Variants in CNTNAP2 observed in about 807,000 individuals in gnomAD.
CNTNAP2 encodes contactin associated protein 2, also known as contactin-associated protein-like 2.
In CNTNAP2, 98 loss-of-function variants were observed where a neutral mutation model predicts 155.2. The ratio of observed to expected loss-of-function variants is 0.63; its 90% CI spans 0.54 to 0.75. The LOEUF (loss-of-function observed/expected upper bound fraction) is 0.75, where lower values mean the gene tolerates loss of function less well. CNTNAP2 is among the 30% of genes least tolerant of loss of function. The probability of loss-of-function intolerance (pLI) is 0.00; values close to 1 mark genes in which losing one functional copy is unlikely to be tolerated. For synonymous variants in CNTNAP2, 651 were observed against 631.2 expected (o/e 1.03, Z -0.47); for missense variants, 1,727 against 1,688.1 (o/e 1.02, Z -0.40).
At chr7:147,557,512 G>A (rs1207039493) in intron 11 of CNTNAP2, among the ~76,000 whole-genome samples, 4 of 152,018 alleles carry the variant, frequency 2.6e-5, no homozygotes, top group Admixed American at 2.6e-4. Flanking sequence ...GCAGTCTACT[G>A]GCAAAACTCA....
chr7:148,108,645 C>CA (rs11453109), intron 15 of CNTNAP2, among the ~76,000 whole-genome samples: 66,321 of 151,832 alleles, frequency 0.44, 16,668 homozygotes, highest in East Asian at 0.75. Context: ...GAATCTAAAA[C>CA]AACAGACTCA....
chr7:147,355,872 A>G (rs1014050493), intron 9 of CNTNAP2, among the ~76,000 whole-genome samples: 10 of 152,160 alleles, frequency 6.6e-5, no homozygotes, highest in Non-Finnish European at 4.4e-5. Flanking sequence ...AGGAGCTGGT[A>G]CCATTCCTTC....
At position 147,143,792 on chromosome 7, in the gene CNTNAP2, A is replaced by C. The variant is rs77767404; in HGVS notation, c.1348+11283A>C. Among the ~76,000 whole-genome samples the C allele has an allele frequency of 2.0e-5, 3 of 152,316 alleles. No homozygotes were observed. The East Asian group carries it at 5.8e-4, about 29-fold the overall frequency. On this transcript the variant is annotated intron_variant, in intron 8 of 23. Transcript: ENST00000361727. ...AAGAGATTTTTTTTAAAGATATTAA[A>C]GCCTAGAGATGTACTGGGTAAACTA...
At chr7:148,290,685 GTTGT>G (rs1797173880) in intron 21 of CNTNAP2, among the ~76,000 whole-genome samples, 1 of 152,164 alleles carries the variant, frequency 6.6e-6, no homozygotes, top group Admixed American at 6.5e-5. Flanking sequence ...CATTAAGGTA[GTTGT>G]TCATTCCCTG....
intron 5 of CNTNAP2, among the ~76,000 whole-genome samples, chr7:147,119,358 G>A (rs1248482309): frequency 6.6e-6 from 1 of 151,984 alleles, no homozygotes; most frequent in South Asian, 2.1e-4. Flanking sequence ...TACTGATGGA[G>A]TTTTACTGAC....
intron 9 of CNTNAP2, among the ~76,000 whole-genome samples, chr7:147,355,126 T>A (rs144830475): frequency 0.014 from 2,131 of 152,082 alleles, 25 homozygotes; most frequent in Non-Finnish European, 0.021. Context: ...AGTGACCAGA[T>A]CATGGCCATT....
chr7:146,245,190 G>A (rs1012496260), intron 1 of CNTNAP2, among the ~76,000 whole-genome samples: 3 of 150,654 alleles, frequency 2.0e-5, no homozygotes, highest in Non-Finnish European at 3.0e-5. Flanking sequence ...ATGGGGAAAT[G>A]GGGTGAATGT....
intron 4 of CNTNAP2, among the ~76,000 whole-genome samples, chr7:147,048,237 G>A (rs922540375): frequency 2.0e-5 from 3 of 152,022 alleles, no homozygotes; most frequent in Non-Finnish European, 4.4e-5. Context: ...GCAATCACAT[G>A]TGTCATTGTA....
At chr7:146,814,642 G>A (rs1202098846) in intron 2 of CNTNAP2, among the ~76,000 whole-genome samples, 2 of 152,032 alleles carry the variant, frequency 1.3e-5, no homozygotes, top group Non-Finnish European at 2.9e-5. Flanking sequence ...TCGAATTACA[G>A]TAGAACCACC....
chr7:146,601,641 CA>C (rs1331168820), intron 1 of CNTNAP2, among the ~76,000 whole-genome samples: 4 of 151,654 alleles, frequency 2.6e-5, no homozygotes, highest in Admixed American at 1.3e-4. Flanking sequence ...AAGAAGTATG[CA>C]AAAAAATCTG....
At chr7:146,416,839 T>C (rs2129112441) in intron 1 of CNTNAP2, among the ~76,000 whole-genome samples, 1 of 152,284 alleles carries the variant, frequency 6.6e-6, no homozygotes, top group Admixed American at 6.5e-5. Flanking sequence ...CAAAGATGAA[T>C]CAATTACCCA....
At chr7:146,670,607 C>T (rs944312046) in intron 1 of CNTNAP2, among the ~76,000 whole-genome samples, 15 of 152,114 alleles carry the variant, frequency 9.9e-5, no homozygotes, top group Admixed American at 7.9e-4. Flanking sequence ...AGAAGCAATC[C>T]ACTTTAATGT....
At chr7:148,242,709 C>T (rs1168787174) in intron 20 of CNTNAP2, among the ~76,000 whole-genome samples, 1 of 152,170 alleles carries the variant, frequency 6.6e-6, no homozygotes. Flanking sequence ...CTGCTCTGTC[C>T]CTGAGCCCTG....
At chr7:147,176,680 A>T (rs868792410) in intron 8 of CNTNAP2, among the ~76,000 whole-genome samples, 5 of 114,166 alleles carry the variant, frequency 4.4e-5, no homozygotes, top group Non-Finnish European at 6.6e-5. Flanking sequence ...TATTTTATAT[A>T]ATATATAATA....
At chr7:147,081,534 A>G (rs1800128468) in intron 4 of CNTNAP2, 1 of 149,608 alleles carries the variant, frequency 6.7e-6, no homozygotes, top group Non-Finnish European at 1.5e-5. Context: ...CTCCTCCCTC[A>G]GACTCCTGAG....
At chr7:147,341,233 A>G (rs1186631307) in intron 9 of CNTNAP2, among the ~76,000 whole-genome samples, 1 of 152,042 alleles carries the variant, frequency 6.6e-6, no homozygotes, top group African/African-American at 2.4e-5. Context: ...GTGAGAGTCG[A>G]ACAATGAGAA....
chr7:146,949,325 A>G (rs748221715), intron 3 of CNTNAP2, among the ~76,000 whole-genome samples: 1 of 152,062 alleles, frequency 6.6e-6, no homozygotes, highest in Non-Finnish European at 1.5e-5. Flanking sequence ...CTCAGATCGC[A>G]CTCTTCCAGC....
chr7:146,571,933 G>A (rs1319016368), intron 1 of CNTNAP2, among the ~76,000 whole-genome samples: 6 of 152,096 alleles, frequency 3.9e-5, no homozygotes, highest in African/African-American at 9.6e-5. Flanking sequence ...GGGTTTCACC[G>A]TTTTGGCCAT....
At chr7:147,256,127 C>T (rs1496548) in intron 8 of CNTNAP2, among the ~76,000 whole-genome samples, 90,638 of 152,002 alleles carry the variant, frequency 0.6, 27,794 homozygotes, top group East Asian at 0.74. Flanking sequence ...GATTTTGTTA[C>T]TGATATAAAC....
Sources: allele counts gnomAD v4.1 joint callset (sites outside exome capture counted in the v4.1 genomes callset), GRCh38; gene constraint gnomAD v4.1.1; transcripts MANE v1.5; gene names NCBI Gene and HGNC (gene_info 2026-07-23, HGNC 2026-07-21).